RHOQ: variants seen among roughly 807,000 people sequenced by gnomAD.
The protein encoded by RHOQ is rho-related GTP-binding protein RhoQ.
In RHOQ, 7 loss-of-function variants were observed where a neutral mutation model predicts 25.8. The ratio of observed to expected loss-of-function variants is 0.27; its 90% CI spans 0.15 to 0.51. The LOEUF is 0.51. Ranked by LOEUF, RHOQ falls within the 20% of genes least tolerant of loss-of-function variation. The pLI is 0.97. For missense variants in RHOQ, 165 were observed against 260.6 expected, an observed-to-expected ratio of 0.63 and a Z score of 2.53; for synonymous variants, 97 against 98.6, an observed-to-expected ratio of 0.98 and a Z score of 0.10.
At chr2:46,544,531 C>T (rs564941298) in intron 2 of RHOQ, among the ~76,000 whole-genome samples, 1 of 152,212 alleles carries the variant, frequency 6.6e-6, no homozygotes, top group African/African-American at 2.4e-5. Context: ...GCACACTTTG[C>T]CCTGCAGCCT....
Position 46,583,014 on chromosome 2 carries a change from A to T in RHOQ, c.*1931A>T, listed in dbSNP as rs958715099. Reference sequence around the variant, plus strand: ...ATTTAATTTTGGTCTGCTTATTTTTAGATAAAATTGAAAGGAATTGTATAA... The same window carrying T: ...ATTTAATTTTGGTCTGCTTATTTTTTGATAAAATTGAAAGGAATTGTATAA... On this transcript the variant is annotated 3_prime_UTR_variant, in exon 5 of 5. Transcript: ENST00000238738. 1 of 152,174 alleles carries T rather than the reference A, an allele frequency of 6.6e-6. No individual in the cohort carries two copies. The highest frequency in any genetic ancestry group is 2.4e-5 in the African/African-American group (1 of 41,446). 9.4% of individuals were successfully genotyped at this position (152,174 alleles called of 1,614,324 possible). A position where few individuals can be genotyped will look rare whatever the true frequency, so the allele number is the denominator to read the frequency against.
In RHOQ at chr2:46,542,988, G is replaced by A. The variant is rs1667876744; in HGVS notation, c.-59G>A. The A allele has an allele frequency of 3.0e-6, 4 of 1,353,308 alleles. No homozygotes were observed. In the South Asian group the frequency reaches 4.6e-5, roughly 16 times the overall value. 83.8% of individuals were successfully genotyped at this position (1,353,308 alleles called of 1,614,324 possible). On this transcript the variant is annotated 5_prime_UTR_variant, in exon 1 of 5. Coordinates refer to ENST00000238738, the MANE Select transcript of RHOQ (RefSeq NM_012249.4). ...GACCCCCCAGGCGGGCTGGGGCTGA[G>A]CCCGGGGCCGGGGCGGGGGCTCCGG...
intron 2 of RHOQ, among the ~76,000 whole-genome samples, chr2:46,554,844 T>C (rs1488834634): frequency 6.6e-6 from 1 of 151,446 alleles, no homozygotes; most frequent in Non-Finnish European, 1.5e-5. Context: ...CTCTTTCAAA[T>C]GGCATAATGG....
rs925146381 is a variant in RHOQ at position 46,542,598 on chromosome 2, G to A, written c.-449G>A. The A allele has an allele frequency of 2.7e-5, 4 of 146,806 alleles. No individual in the cohort carries two copies. Among genetic ancestry groups the A allele is most frequent in the East Asian group, 3.9e-4 (2 of 5,092 alleles). The allele number at this position is 146,806 out of a possible 1,614,324, so 9.1% of individuals were successfully genotyped here. On this transcript the variant is annotated 5_prime_UTR_variant, in exon 1 of 5. Coordinates refer to ENST00000238738, the MANE Select transcript of RHOQ (RefSeq NM_012249.4). ...GGGGCGCGTGGCGCGGGCCGCGCTC[G>A]GGGAGGCGCCTGGGCCCGCCCTCCT... is the stretch of plus-strand genomic sequence containing the variant.
chr2:46,581,414 A>T lies in RHOQ; in HGVS notation c.*331A>T, dbSNP rs1669366760. On this transcript the variant is annotated 3_prime_UTR_variant, in exon 5 of 5. Transcript: ENST00000238738. ...CTGTAAATGGAACTGCTTGGCTTTG[A>T]CCATACACATTTCTGCCCAGCCCTT... is the stretch of plus-strand genomic sequence containing the variant. The T allele has an allele frequency of 2.5e-6, 4 of 1,570,602 alleles. No homozygotes were observed. In the African/African-American group the frequency reaches 5.4e-5, roughly 21 times the overall value.
intron 2 of RHOQ, among the ~76,000 whole-genome samples, chr2:46,546,486 A>ATATATATATGTATATATG (rs1558680474): frequency 4.6e-5 from 1 of 21,656 alleles, no homozygotes; most frequent in Non-Finnish European, 7.6e-5. Flanking sequence ...GTATATATAT[A>ATATATATATGTATATATG]TATATATATA....
chr2:46,555,896 C>G lies in RHOQ; in HGVS notation c.201+12084C>G, dbSNP rs1021160586. Among the ~76,000 whole-genome samples the G allele has an allele frequency of 6.6e-6, 1 of 152,204 alleles. No individual in the cohort carries two copies. The highest frequency in any genetic ancestry group is 1.5e-5 in the Non-Finnish European group (1 of 68,028). On this transcript the variant is annotated intron_variant, in intron 2 of 4. Coordinates refer to ENST00000238738, the MANE Select transcript of RHOQ (RefSeq NM_012249.4). The surrounding 1 kb of genome is among the most constrained non-coding windows in gnomAD (Gnocchi z 4.3). ...AGTATGGAAGTAGCATCTAGGCAAG[C>G]TGGTGTTAAGACGCAAGTAATTACT...
intron 2 of RHOQ, among the ~76,000 whole-genome samples, chr2:46,546,480 A>ATATATATATATATATATG (rs1668059942): frequency 6.5e-5 from 1 of 15,448 alleles, no homozygotes; most frequent in Non-Finnish European, 1.1e-4. Context: ...ATATGTGTAT[A>ATATATATATATATATATG]TATATATATA....
chr2:46,556,373 G>A lies in RHOQ; in HGVS notation c.201+12561G>A, dbSNP rs1668411094. Among the ~76,000 whole-genome samples the A allele has an allele frequency of 6.6e-6, 1 of 152,164 alleles. No homozygotes were observed. The highest frequency in any genetic ancestry group is 2.4e-5 in the African/African-American group (1 of 41,444). On this transcript the variant is annotated intron_variant, in intron 2 of 4. Coordinates refer to ENST00000238738, the MANE Select transcript of RHOQ (RefSeq NM_012249.4). This position sits in a 1 kb window ranked among gnomAD's most constrained non-coding sequence, Gnocchi z 4.9. The stretch of plus-strand genomic sequence containing the variant: ...TTTTCAGGGTTTCAAGGTACAAAGT[G>A]AAGTTCTGCTAGTTGTGCACTTGTG...
At chr2:46,544,695 T>G (rs933431352) in intron 2 of RHOQ, among the ~76,000 whole-genome samples, 3 of 152,236 alleles carry the variant, frequency 2.0e-5, no homozygotes, top group Non-Finnish European at 4.4e-5. Flanking sequence ...AATCCAGCAC[T>G]ATGATTAGAG....
At chr2:46,573,664 A>G (rs1669010942) in intron 2 of RHOQ, among the ~76,000 whole-genome samples, 1 of 152,236 alleles carries the variant, frequency 6.6e-6, no homozygotes, top group Non-Finnish European at 1.5e-5. Flanking sequence ...ACTTGGATTA[A>G]TATTGTTAAG....
At chr2:46,543,405 C>T (rs537082642) in intron 1 of RHOQ, 57 of 607,536 alleles carry the variant, frequency 9.4e-5, no homozygotes, top group Non-Finnish European at 1.4e-4. Flanking sequence ...TACGCGGCTC[C>T]TGCTCCCCGC....
intron 2 of RHOQ, among the ~76,000 whole-genome samples, chr2:46,545,518 T>C (rs1668017485): frequency 6.6e-6 from 1 of 152,146 alleles, no homozygotes; most frequent in Non-Finnish European, 1.5e-5. Flanking sequence ...CACATGCAAA[T>C]ATTATTTTAT....
chr2:46,578,741 G>A (rs529099845), intron 4 of RHOQ, among the ~76,000 whole-genome samples: 4 of 152,130 alleles, frequency 2.6e-5, no homozygotes, highest in Middle Eastern at 3.4e-3. Flanking sequence ...GGATGACAGA[G>A]TGAGACCCTG....
At chr2:46,543,231 G>A (rs771578938) in intron 1 of RHOQ, 43 bp downstream of exon 1, 7 of 1,606,932 alleles carry the variant, frequency 4.4e-6, no homozygotes, top group African/African-American at 4.0e-5. Flanking sequence ...TCCCCGGGCC[G>A]GGAACTTTGG....
chr2:46,553,340 A>G (rs1163072395), intron 2 of RHOQ, among the ~76,000 whole-genome samples: 1 of 151,978 alleles, frequency 6.6e-6, no homozygotes, highest in Non-Finnish European at 1.5e-5. Flanking sequence ...TCAATTTTTA[A>G]AAAAATGTTG....
At chr2:46,543,429 C>G in intron 1 of RHOQ, 1 of 601,766 alleles carries the variant, frequency 1.7e-6, no homozygotes, top group South Asian at 2.0e-5. Context: ...TCCTACCCCT[C>G]GGCGCCCTGG....
chr2:46,560,520 A>G (rs1668541582), intron 2 of RHOQ: 1 of 454,856 alleles, frequency 2.2e-6, no homozygotes, highest in East Asian at 7.0e-5. Flanking sequence ...TGCTTGGCAT[A>G]CAGGCTTTGC....
At chr2:46,580,820 C>A (rs180927512) in intron 4 of RHOQ, 108 bp from the exon 5 acceptor site, 2 of 779,150 alleles carry the variant, frequency 2.6e-6, no homozygotes, top group South Asian at 3.3e-5. Flanking sequence ...TGAATGTATT[C>A]TTTTTGCATA....
Sources: gnomAD v4.1 joint callset for allele counts (sites outside exome capture counted in the v4.1 genomes callset) on GRCh38, gnomAD v4.1.1 for gene constraint, Gnocchi (gnomAD v3.1) non-coding constraint, MANE v1.5 for transcripts, NCBI Gene and HGNC (gene_info 2026-07-23, HGNC 2026-07-21) for gene names.